Variants in UBE3C observed in about 807,000 individuals in gnomAD.
UBE3C encodes the protein ubiquitin-protein ligase E3C.
Under a neutral mutation model 129.4 loss-of-function variants are expected in UBE3C, and 42 were observed. That is an observed-to-expected ratio of 0.32 (90% CI 0.25 to 0.42). The LOEUF (loss-of-function observed/expected upper bound fraction) is 0.42. Among genes scored for constraint, UBE3C ranks in the 10% least tolerant of loss-of-function variants. UBE3C has a pLI of 1.00. For synonymous variants in UBE3C, 510 were observed against 492.4 expected (o/e 1.04, Z -0.47); for missense variants, 1,049 against 1,319.1 (o/e 0.80, Z 3.17).
chr7:157,165,875 A>G (rs1033840979), intron 2 of UBE3C, among the ~76,000 whole-genome samples: 2 of 151,946 alleles, frequency 1.3e-5, no homozygotes, highest in East Asian at 1.9e-4. Flanking sequence ...GTTTGTTTCT[A>G]TTGTTTGTCT....
chr7:157,241,410 T>C (rs945540252), intron 18 of UBE3C, among the ~76,000 whole-genome samples: 8 of 152,234 alleles, frequency 5.3e-5, no homozygotes, highest in Admixed American at 2.0e-4. Flanking sequence ...AAGGATCCAA[T>C]TGGACATCTC....
At chr7:157,165,813 T>G (rs1479483378) in intron 2 of UBE3C, among the ~76,000 whole-genome samples, 1 of 152,232 alleles carries the variant, frequency 6.6e-6, no homozygotes, top group Non-Finnish European at 1.5e-5. Flanking sequence ...TGAACATAAT[T>G]ATAGATTTTT....
chr7:157,230,986 C>G (rs1432340431), intron 17 of UBE3C, 94 bp from the exon 18 acceptor site: 3 of 1,510,756 alleles, frequency 2.0e-6, no homozygotes, highest in Non-Finnish European at 2.7e-6. Context: ...CTAAGATCCT[C>G]ACACCCCTTC....
chr7:157,243,363 G>A (rs948908264), intron 18 of UBE3C, among the ~76,000 whole-genome samples: 6 of 152,228 alleles, frequency 3.9e-5, no homozygotes, highest in South Asian at 2.1e-4. Context: ...AGAGAAGTAA[G>A]AGTGCAGCAC....
At chr7:157,167,588 A>C (rs1264439672) in intron 2 of UBE3C, among the ~76,000 whole-genome samples, 1 of 151,090 alleles carries the variant, frequency 6.6e-6, no homozygotes, top group Admixed American at 6.6e-5. Flanking sequence ...CCCAGGCTGG[A>C]ATGCAGTGGC....
intron 10 of UBE3C, chr7:157,192,877 AG>A (rs1263318081): frequency 1.7e-5 from 15 of 868,854 alleles, no homozygotes; most frequent in South Asian, 4.3e-5. Flanking sequence ...AAAAAAAAAA[AG>A]AAGGGATTAT....
intron 1 of UBE3C, among the ~76,000 whole-genome samples, chr7:157,157,093 C>T (rs1362483660): frequency 6.6e-6 from 1 of 152,132 alleles, no homozygotes; most frequent in Non-Finnish European, 1.5e-5. Flanking sequence ...TTATGAATAT[C>T]AGCATGTGGC....
intron 19 of UBE3C, among the ~76,000 whole-genome samples, chr7:157,253,094 A>G (rs560794731): frequency 6.6e-6 from 1 of 152,300 alleles, no homozygotes; most frequent in Non-Finnish European, 1.5e-5. Context: ...TACACTCTTT[A>G]TAAATTATGA....
At chr7:157,192,332 T>C (rs1808990753) in intron 10 of UBE3C, 1 of 553,516 alleles carries the variant, frequency 1.8e-6, no homozygotes, top group African/African-American at 1.9e-5. Flanking sequence ...GGGGCTTCCT[T>C]TTCGATCCGC....
chr7:157,140,063 C>T (rs925103939), intron 1 of UBE3C: 11 of 983,978 alleles, frequency 1.1e-5, no homozygotes, highest in Non-Finnish European at 1.2e-5. Context: ...CGCCTCTGTT[C>T]TAGTCTAGAA....
intron 13 of UBE3C, among the ~76,000 whole-genome samples, chr7:157,213,444 A>G (rs907078154): frequency 1.3e-5 from 2 of 152,242 alleles, no homozygotes; most frequent in African/African-American, 4.8e-5. Context: ...TGATTCTAAA[A>G]TGCAGCAAAG....
At chr7:157,247,706 G>A (rs1198137062) in intron 18 of UBE3C, among the ~76,000 whole-genome samples, 1 of 151,986 alleles carries the variant, frequency 6.6e-6, no homozygotes, top group African/African-American at 2.4e-5. Context: ...AAAAAAAAGA[G>A]CATAAGTAAT....
chr7:157,236,711 T>C (rs1337406476), intron 18 of UBE3C, among the ~76,000 whole-genome samples: 1 of 152,066 alleles, frequency 6.6e-6, no homozygotes, highest in Non-Finnish European at 1.5e-5. Flanking sequence ...TATAATACCT[T>C]GTTTTGAACC....
intron 21 of UBE3C, 78 bp from the exon 22 acceptor site, chr7:157,256,836 T>G (rs1182373): frequency 0.94 from 1,483,086 of 1,583,800 alleles, 694,762 homozygotes; most frequent in East Asian, 1. Context: ...TTTCCGTGGG[T>G]GTCTGGACCA....
At chr7:157,230,467 C>T (rs1636067) in intron 17 of UBE3C, among the ~76,000 whole-genome samples, 51 of 151,282 alleles carry the variant, frequency 3.4e-4, no homozygotes, top group Admixed American at 5.3e-4. Context: ...GAAGCCAAGG[C>T]GGGCAGATCA....
chr7:157,250,841 A>AC (rs1796603988), intron 19 of UBE3C, among the ~76,000 whole-genome samples: 1 of 152,166 alleles, frequency 6.6e-6, no homozygotes. Context: ...AAGCCTTCGG[A>AC]CGGTGAGTGT....
At chr7:157,246,534 T>C (rs1444111126) in intron 18 of UBE3C, among the ~76,000 whole-genome samples, 1 of 152,206 alleles carries the variant, frequency 6.6e-6, no homozygotes, top group African/African-American at 2.4e-5. Context: ...TGTTTTGATT[T>C]TGGTATTCCC....
At chr7:157,163,184 G>A (rs1808118926) in intron 1 of UBE3C, among the ~76,000 whole-genome samples, 1 of 151,924 alleles carries the variant, frequency 6.6e-6, no homozygotes, top group Admixed American at 6.6e-5. Flanking sequence ...AGGAGATCGA[G>A]ACCATCCTGG....
chr7:157,207,264 C>G, intron 11 of UBE3C, 134 bp from the exon 12 acceptor site: 2 of 1,283,524 alleles, frequency 1.6e-6, no homozygotes, highest in Non-Finnish European at 2.1e-6. Flanking sequence ...TTTACCTTGC[C>G]TTTAAATAGT....
Sources: gnomAD v4.1 joint callset for allele counts (sites outside exome capture counted in the v4.1 genomes callset) on GRCh38, gnomAD v4.1.1 for gene constraint, MANE v1.5 for transcripts, NCBI Gene and HGNC (gene_info 2026-07-23, HGNC 2026-07-21) for gene names.